CBR4: variants seen among roughly 807,000 people sequenced by gnomAD.
The protein encoded by CBR4 is 3-oxoacyl-[acyl-carrier-protein] reductase.
In CBR4, 22 loss-of-function variants were observed where a neutral mutation model predicts 21.0. The observed-to-expected ratio is 1.05, with a 90% CI of 0.75 to 1.50. CBR4 has a LOEUF of 1.50. Among genes scored for constraint, CBR4 ranks in the 40% most tolerant of loss-of-function variants. The pLI is 0.00. For synonymous variants in CBR4, 100 were observed against 104.4 expected (o/e 0.96, Z 0.26); for missense variants, 302 against 286.3 (o/e 1.05, Z -0.40).
chr4:168,929,452 GT>G (rs1762898436), intron 2 of CBR4, among the ~76,000 whole-genome samples: 1 of 152,158 alleles, frequency 6.6e-6, no homozygotes, highest in Non-Finnish European at 1.5e-5. Context: ...TTGCTATGTA[GT>G]TTACAAGATT....
intron 2 of CBR4, among the ~76,000 whole-genome samples, chr4:168,972,219 C>G (rs1211587122): frequency 1.3e-5 from 2 of 152,112 alleles, no homozygotes; most frequent in Admixed American, 6.6e-5. Flanking sequence ...AATGTGATGC[C>G]TCCAGATTTG....
chr4:168,962,025 C>CAA (rs372602893), intron 2 of CBR4, among the ~76,000 whole-genome samples: 5 of 111,272 alleles, frequency 4.5e-5, no homozygotes, highest in Non-Finnish European at 7.6e-5. Context: ...GCAAGCAGGC[C>CAA]AAAAAAAAAA....
intron 2 of CBR4, among the ~76,000 whole-genome samples, chr4:168,932,954 A>G (rs1560951057): frequency 1.3e-5 from 2 of 152,138 alleles, no homozygotes; most frequent in Non-Finnish European, 2.9e-5. Flanking sequence ...TGGAAGTGAA[A>G]AGACAATAAC....
At chr4:168,915,862 T>G (rs371135214) in intron 2 of CBR4, 1 of 1,584,538 alleles carries the variant, frequency 6.3e-7, no homozygotes, top group Non-Finnish European at 8.7e-7. Flanking sequence ...ACTATCTATA[T>G]TTCTATCTAT....
chr4:168,965,781 C>T (rs1289196710), intron 2 of CBR4, among the ~76,000 whole-genome samples: 1 of 152,098 alleles, frequency 6.6e-6, no homozygotes, highest in Non-Finnish European at 1.5e-5. Flanking sequence ...AATATAAAAC[C>T]TAACACCATA....
chr4:168,957,205 T>A (rs139626449), intron 2 of CBR4, among the ~76,000 whole-genome samples: 2 of 152,254 alleles, frequency 1.3e-5, no homozygotes, highest in African/African-American at 4.8e-5. Flanking sequence ...CTCAAAAGCT[T>A]TCAGAGGAGG....
chr4:169,005,852 A>G, intron 3 of CBR4: 1 of 1,282,670 alleles, frequency 7.8e-7, no homozygotes, highest in African/African-American at 1.5e-5. Context: ...TTGAAAAACC[A>G]TTTCCTACAT....
chr4:168,973,081 G>A (rs1764260534), intron 2 of CBR4, among the ~76,000 whole-genome samples: 1 of 151,996 alleles, frequency 6.6e-6, no homozygotes, highest in Non-Finnish European at 1.5e-5. Flanking sequence ...TGCATCTATT[G>A]GCTTGTGTAT....
intron 2 of CBR4, chr4:168,904,154 C>T (rs1172792566): frequency 2.1e-6 from 1 of 481,518 alleles, no homozygotes; most frequent in Non-Finnish European, 3.8e-6. Context: ...TATGTACACA[C>T]TTTCTATGTG....
chr4:168,914,171 A>G, intron 2 of CBR4: 1 of 669,176 alleles, frequency 1.5e-6, no homozygotes, highest in Admixed American at 2.2e-5. Flanking sequence ...CTCCTTGATT[A>G]TTATGCTCCC....
At chr4:168,996,174 AAAAGT>A (rs1263705939) in intron 4 of CBR4, among the ~76,000 whole-genome samples, 4 of 152,206 alleles carry the variant, frequency 2.6e-5, no homozygotes, top group African/African-American at 9.7e-5. Context: ...ACTCTGCACT[AAAAGT>A]AAAGTGGGTG....
chr4:168,931,067 C>G (rs527435411), intron 2 of CBR4, among the ~76,000 whole-genome samples: 38 of 152,270 alleles, frequency 2.5e-4, no homozygotes, highest in African/African-American at 8.4e-4. Context: ...GAACCTGGGC[C>G]CAGGATTGGC....
Position 168,924,417 on chromosome 4 carries a change from T to G in CBR4, n.170-29652A>C, listed in dbSNP as rs1356716314. ...TCACTCACTCACAGCACTGACCGAGTGAGGTAAGACTGCACAATGAGAACC... is the reference window on the plus strand; with the variant it reads ...TCACTCACTCACAGCACTGACCGAGGGAGGTAAGACTGCACAATGAGAACC... On this transcript the variant is annotated intron_variant and non_coding_transcript_variant, in intron 2 of 3. Coordinates refer to the CBR4 transcript ENST00000509108. The G allele has an allele frequency of 3.7e-6, 6 of 1,613,554 alleles. No homozygotes were observed. The highest frequency in any genetic ancestry group is 5.1e-6 in the Non-Finnish European group (6 of 1,179,596).
chr4:168,975,047 A>C (rs1053344357), intron 2 of CBR4, among the ~76,000 whole-genome samples: 4 of 152,154 alleles, frequency 2.6e-5, no homozygotes, highest in Non-Finnish European at 4.4e-5. Flanking sequence ...GTTTCAGTGG[A>C]AAGATCTGGG....
At chr4:168,948,555 T>C (rs1055229804) in intron 2 of CBR4, among the ~76,000 whole-genome samples, 1 of 152,132 alleles carries the variant, frequency 6.6e-6, no homozygotes, top group Admixed American at 6.6e-5. Context: ...AGGTGAGAAA[T>C]GAGGATCCAG....
At chr4:168,981,082 T>C (rs1317975854) in intron 2 of CBR4, among the ~76,000 whole-genome samples, 1 of 151,972 alleles carries the variant, frequency 6.6e-6, no homozygotes, top group Admixed American at 6.6e-5. Context: ...ATTCAAAAGA[T>C]AAAAATATGA....
At chr4:168,924,487 T>A in intron 2 of CBR4, 2 of 1,365,602 alleles carry the variant, frequency 1.5e-6, no homozygotes, top group Non-Finnish European at 2.1e-6. Context: ...AAAGATACAT[T>A]TTATATAGCA....
intron 2 of CBR4, chr4:168,903,710 T>C (rs1043951519): frequency 1.4e-5 from 21 of 1,476,534 alleles, no homozygotes; most frequent in African/African-American, 5.5e-5. Flanking sequence ...CCAAATAGAG[T>C]AGGAATACAC....
intron 4 of CBR4, among the ~76,000 whole-genome samples, chr4:168,992,671 A>T (rs768601577): frequency 2.0e-5 from 3 of 152,204 alleles, no homozygotes; most frequent in Non-Finnish European, 4.4e-5. Context: ...AGTACTATAT[A>T]CCAAAATATT....
Sources: allele counts gnomAD v4.1 joint callset (sites outside exome capture counted in the v4.1 genomes callset), GRCh38; gene constraint gnomAD v4.1.1; transcripts MANE v1.5; gene names NCBI Gene and HGNC (gene_info 2026-07-23, HGNC 2026-07-21).